Variants in ATP1A2 observed in about 807,000 individuals in gnomAD.
The protein encoded by ATP1A2 is ATPase Na+/K+ transporting subunit alpha 2.
ATP1A2 carries 56 observed loss-of-function variants against 113.1 expected under a neutral mutation model. That is an observed-to-expected ratio of 0.49 (90% CI 0.40 to 0.62). ATP1A2 has a LOEUF of 0.62. Ranked by LOEUF, ATP1A2 falls within the 20% of genes least tolerant of loss-of-function variation. ATP1A2 has a pLI of 0.00. For missense variants in ATP1A2, 712 were observed against 1,357.8 expected, an observed-to-expected ratio of 0.52 and a Z score of 7.47; for synonymous variants, 490 against 526.8, an observed-to-expected ratio of 0.93 and a Z score of 0.96.
chr1:160,115,884 C>T lies in ATP1A2; in HGVS notation c.12+11C>T. On this transcript the variant is annotated intron_variant, in intron 1 of 22. Transcript: ENST00000361216. ...AAGATGGGCCGTGGGGTGAGTATCC[C>T]TAAAGAGCAGGGGTCGCAGTCTAGA... 1 of 1,601,478 alleles carries T rather than the reference C, an allele frequency of 6.2e-7. No homozygotes were observed. The highest frequency in any genetic ancestry group is 1.7e-5 in the Admixed American group (1 of 58,072).
In ATP1A2 at chr1:160,139,321, C is replaced by G. The variant is rs568497173; in HGVS notation, c.2841-319C>G. ...ACTTTCATGGGCCCTGTGCCTGGAGCAATAACAAGATCATGAGACAGGCCC... is the reference window on the plus strand; with the variant it reads ...ACTTTCATGGGCCCTGTGCCTGGAGGAATAACAAGATCATGAGACAGGCCC... On this transcript the variant is annotated intron_variant, in intron 20 of 22. Transcript: ENST00000361216. Among the ~76,000 whole-genome samples, 6 of 152,216 alleles carry G rather than the reference C, an allele frequency of 3.9e-5. No homozygotes were observed. In the East Asian group the frequency reaches 9.6e-4, roughly 24 times the overall value.
chr1:160,130,033 A>G (rs1651719725), intron 11 of ATP1A2, 69 bp from the exon 12 acceptor site: 7 of 1,595,482 alleles, frequency 4.4e-6, no homozygotes, highest in Non-Finnish European at 6.0e-6. Flanking sequence ...TTTCCTTACC[A>G]GCTGCTGCTC....
chr1:160,134,957 G>A (rs373704846), intron 14 of ATP1A2, among the ~76,000 whole-genome samples, 188 bp from the exon 15 acceptor site: 11 of 152,344 alleles, frequency 7.2e-5, no homozygotes, highest in Admixed American at 4.6e-4. Context: ...ATCCCATGGT[G>A]AGGATTTAGA....
At chr1:160,119,637 G>A (rs1570982026) in intron 1 of ATP1A2, among the ~76,000 whole-genome samples, 1 of 152,128 alleles carries the variant, frequency 6.6e-6, no homozygotes, top group African/African-American at 2.4e-5. Context: ...AGTTCCCTGT[G>A]AGACCCTGGA....
chr1:160,127,852 G>A, intron 8 of ATP1A2, 32 bp downstream of exon 8: 1 of 1,559,968 alleles, frequency 6.4e-7, no homozygotes, highest in South Asian at 1.2e-5. Flanking sequence ...GCCACCAGGG[G>A]AGGGTCTCAC....
Position 160,134,674 on chromosome 1 carries a change from G to A in ATP1A2, c.1964+54G>A, listed in dbSNP as rs566175370. 3.7e-6 allele frequency: 6 copies of A among 1,613,650 alleles called. No individual in the cohort carries two copies. The East Asian group carries it at 6.7e-5, about 18-fold the overall frequency. On this transcript the variant is annotated intron_variant, in intron 14 of 22. Coordinates refer to ENST00000361216, the MANE Select transcript of ATP1A2 (RefSeq NM_000702.4). ...CCTAATCAACACGTCCTCTTGCACAGAAGGCTTGGGTGTCCCCTGGGAGTA... is the reference window on the plus strand; with the variant it reads ...CCTAATCAACACGTCCTCTTGCACAAAAGGCTTGGGTGTCCCCTGGGAGTA...
At position 160,141,435 on chromosome 1, in the gene ATP1A2, G is replaced by A. The variant is rs541660570; in HGVS notation, c.*113G>A. On this transcript the variant is annotated 3_prime_UTR_variant, in exon 23 of 23. Coordinates refer to ENST00000361216, the MANE Select transcript of ATP1A2 (RefSeq NM_000702.4). ...GTGGCATTGGGTGGCAACATTTGGGGAGAGATAATGAGGCAACTCAGCAGG... is the reference window on the plus strand; with the variant it reads ...GTGGCATTGGGTGGCAACATTTGGGAAGAGATAATGAGGCAACTCAGCAGG... 58 of 1,383,958 alleles carry A rather than the reference G, an allele frequency of 4.2e-5. No homozygotes were observed. In the African/African-American group the frequency reaches 8.0e-4, roughly 19 times the overall value. 85.7% of individuals were successfully genotyped at this position (1,383,958 alleles called of 1,614,324 possible).
chr1:160,129,145 G>C, intron 10 of ATP1A2, 56 bp downstream of exon 10: 1 of 1,607,192 alleles, frequency 6.2e-7, no homozygotes, highest in Non-Finnish European at 8.5e-7. Context: ...AAAGCCTCTT[G>C]CTGGCCCCAG....
intron 20 of ATP1A2, chr1:160,137,242 TC>T: frequency 1.4e-6 from 1 of 715,710 alleles, no homozygotes; most frequent in Non-Finnish European, 2.3e-6. Flanking sequence ...ATTGTCTCTC[TC>T]CACCTTTCTT....
Position 160,115,847 on chromosome 1 carries a change from C to G in ATP1A2, c.-15C>G, listed in dbSNP as rs1320403373. 6.3e-7 allele frequency: 1 copy of G among 1,596,202 alleles called. No homozygotes were observed. On this transcript the variant is annotated 5_prime_UTR_variant, in exon 1 of 23. Coordinates refer to ENST00000361216, the MANE Select transcript of ATP1A2 (RefSeq NM_000702.4). Reference sequence around the variant, plus strand: ...GACCTCTCCCGCTAAGGTCCCTCAGCCACTCTGCCCCAAGATGGGCCGTGG... The same window carrying G: ...GACCTCTCCCGCTAAGGTCCCTCAGGCACTCTGCCCCAAGATGGGCCGTGG...
chr1:160,123,448 C>A (rs369231792), intron 4 of ATP1A2, 32 bp downstream of exon 4: 20 of 1,613,652 alleles, frequency 1.2e-5, no homozygotes, highest in Non-Finnish European at 1.7e-5. Flanking sequence ...GGGAACAGCC[C>A]GTGACTGTCC....
Position 160,142,985 on chromosome 1 carries a change from G to C in ATP1A2, c.*1663G>C, listed in dbSNP as rs1652200761. 1 of 152,234 alleles carries C rather than the reference G, an allele frequency of 6.6e-6. No individual in the cohort carries two copies. Among genetic ancestry groups the C allele is most frequent in the Admixed American group, 6.5e-5 (1 of 15,288 alleles). 9.4% of individuals were successfully genotyped at this position (152,234 alleles called of 1,614,324 possible). ...CCCTATCTAACACTTTTGCTCTGCAGGCAGCCTTGCCCATTCTCTAAGCCT... is the reference window on the plus strand; with the variant it reads ...CCCTATCTAACACTTTTGCTCTGCACGCAGCCTTGCCCATTCTCTAAGCCT... On this transcript the variant is annotated 3_prime_UTR_variant, in exon 23 of 23. Transcript: ENST00000361216.
At position 160,131,931 on chromosome 1, in the gene ATP1A2, T is replaced by C. The variant is rs570597366; in HGVS notation, c.1827+1334T>C. On this transcript the variant is annotated intron_variant, in intron 13 of 22. Coordinates refer to ENST00000361216, the MANE Select transcript of ATP1A2 (RefSeq NM_000702.4). Reference sequence around the variant, plus strand: ...AGTGATGGACTGGGACTATGAAGCATGATCTGCTTGACCGGAAAGCCTGAG... The same window carrying C: ...AGTGATGGACTGGGACTATGAAGCACGATCTGCTTGACCGGAAAGCCTGAG... Among the ~76,000 whole-genome samples, 26 of 152,212 alleles carry C rather than the reference T, an allele frequency of 1.7e-4. 2 individuals carry two copies. The South Asian group carries it at 5.2e-3, about 30-fold the overall frequency.
At position 160,128,694 on chromosome 1, in the gene ATP1A2, T is replaced by C; in HGVS notation, c.1060T>C (p.Cys354Arg). 6.2e-7 allele frequency: 1 copy of C among 1,614,208 alleles called. No homozygotes were observed. The highest frequency in any genetic ancestry group is 8.5e-7 in the Non-Finnish European group (1 of 1,180,044). The change falls in exon 9 of 23, where the codon TGC (cysteine) becomes CGC (arginine). Residue 354 changes from cysteine to arginine, a missense_variant. Around this residue, in one of 6 missense-constraint regions of ATP1A2, gnomAD observed 44 missense variants for 153.1 expected, o/e 0.29. Coordinates refer to ENST00000361216, the MANE Select transcript of ATP1A2 (RefSeq NM_000702.4). ...AGCCAAGCGCATGGCACGGAAGAAC[T>C]GCCTGGTGAAGAACCTGGAGGCGGT... ...LTAKRMARKN[C>R]LVKNLEAVET...
chr1:160,124,239 G>T (rs902408423), intron 5 of ATP1A2, 57 bp from the exon 6 acceptor site: 1 of 1,560,612 alleles, frequency 6.4e-7, no homozygotes, highest in Non-Finnish European at 8.7e-7. Context: ...AGACCAGCAG[G>T]AGAAGAAGGC....
intron 22 of ATP1A2, 76 bp downstream of exon 22, chr1:160,140,060 T>G (rs1652087941): frequency 7.1e-7 from 1 of 1,414,868 alleles, no homozygotes; most frequent in Admixed American, 1.7e-5. Context: ...ACACGCAGAC[T>G]CCACTCCCAC....
rs145471864 is a variant in ATP1A2, at chr1:160,123,809, C to T, written c.382-134C>T. On this transcript the variant is annotated intron_variant, in intron 4 of 22. Coordinates refer to ENST00000361216, the MANE Select transcript of ATP1A2 (RefSeq NM_000702.4). ...GGTTAGTGAGAAGGGCTTTCCCCTACCATCATCACTCTCAGTCACAGACAA... is the reference window on the plus strand; with the variant it reads ...GGTTAGTGAGAAGGGCTTTCCCCTATCATCATCACTCTCAGTCACAGACAA... 398 of 827,422 alleles carry T rather than the reference C, an allele frequency of 4.8e-4. 2 individuals are homozygous for T. The African/African-American group carries it at 6.0e-3, about 13-fold the overall frequency. The allele number at this position is 827,422 out of a possible 1,614,324, so 51.3% of individuals were successfully genotyped here.
chr1:160,137,184 T>C lies in ATP1A2; in HGVS notation c.2840+153T>C, dbSNP rs1162426657. On this transcript the variant is annotated intron_variant, in intron 20 of 22. Transcript: ENST00000361216. ...TCTGTATATCCATAGATAGGTTTCA[T>C]ATAGAAGAGAGAAGCCATGCTTCAG... The C allele has an allele frequency of 3.8e-5, 49 of 1,293,412 alleles. No homozygotes were observed. The East Asian group carries it at 1.1e-3, about 29-fold the overall frequency. 80.1% of individuals were successfully genotyped at this position (1,293,412 alleles called of 1,614,324 possible). A position where few individuals can be genotyped will look rare whatever the true frequency, so the allele number is the denominator to read the frequency against.
In ATP1A2 at chr1:160,141,532, A is replaced by T. The variant is rs892938876; in HGVS notation, c.*210A>T. On this transcript the variant is annotated 3_prime_UTR_variant, in exon 23 of 23. Coordinates refer to ENST00000361216, the MANE Select transcript of ATP1A2 (RefSeq NM_000702.4). ...ACTGTGAACAATCAGATTAGACACT[A>T]TGTGTTAGAGTCCCCCCGACCAGAT... The T allele has an allele frequency of 4.6e-6, 3 of 650,772 alleles. No homozygotes were observed. In the African/African-American group the frequency reaches 5.4e-5, roughly 12 times the overall value. The allele number at this position is 650,772 out of a possible 1,614,324, so 40.3% of individuals were successfully genotyped here.
Sources: gnomAD v4.1 joint callset for allele counts (sites outside exome capture counted in the v4.1 genomes callset) on GRCh38, gnomAD v4.1.1 for gene constraint, gnomAD v4.1.1 regional missense constraint, MANE v1.5 for transcripts, NCBI Gene and HGNC (gene_info 2026-07-23, HGNC 2026-07-21) for gene names.